DLC1: variants seen among roughly 807,000 people sequenced by gnomAD.
DLC1 encodes the protein DLC1 Rho GTPase activating protein, also known as rho GTPase-activating protein 7.
A neutral mutation model predicts 140.3 loss-of-function variants in DLC1; 54 were observed. The observed-to-expected ratio is 0.38, with a 90% CI of 0.31 to 0.48. The LOEUF is 0.48. Ranked by LOEUF, DLC1 falls within the 20% of genes least tolerant of loss-of-function variation. The probability of loss-of-function intolerance (pLI) is 0.96; values close to 1 mark genes in which losing one functional copy is unlikely to be tolerated. For synonymous variants in DLC1, 986 were observed against 728.1 expected, an observed-to-expected ratio of 1.35 and a Z score of -5.70; for missense variants, 2,536 against 1,907.0, an observed-to-expected ratio of 1.33 and a Z score of -6.14.
At chr8:13,453,545 T>C (rs1585135114) in intron 2 of DLC1, among the ~76,000 whole-genome samples, 1 of 48,204 alleles carries the variant, frequency 2.1e-5, no homozygotes, top group South Asian at 6.8e-4. Flanking sequence ...TATACATATA[T>C]ATATATATAT....
chr8:13,489,432 C>A (rs1348554422), intron 2 of DLC1, among the ~76,000 whole-genome samples: 4 of 147,368 alleles, frequency 2.7e-5, no homozygotes, highest in African/African-American at 1.0e-4. Flanking sequence ...CACACACACA[C>A]ACACACACAC....
At chr8:13,364,058 C>T (rs1048688720) in intron 4 of DLC1, among the ~76,000 whole-genome samples, 32 of 151,992 alleles carry the variant, frequency 2.1e-4, no homozygotes, top group Non-Finnish European at 2.9e-5. Context: ...TGCGCACGTG[C>T]ACACGCATGC....
chr8:13,421,741 A>T (rs1276774267), intron 2 of DLC1, among the ~76,000 whole-genome samples: 1 of 152,332 alleles, frequency 6.6e-6, no homozygotes, highest in African/African-American at 2.4e-5. Flanking sequence ...CCCTGAGATC[A>T]TTAAGACCTG....
intron 2 of DLC1, among the ~76,000 whole-genome samples, chr8:13,413,819 T>C (rs1837920509): frequency 6.6e-6 from 1 of 152,156 alleles, no homozygotes; most frequent in Non-Finnish European, 1.5e-5. Flanking sequence ...CATGCGGAAC[T>C]CTGAGTCAGT....
At chr8:13,462,439 G>A (rs1454681125) in intron 2 of DLC1, among the ~76,000 whole-genome samples, 6 of 147,526 alleles carry the variant, frequency 4.1e-5, no homozygotes, top group East Asian at 2.0e-4. Context: ...GCTGGCTGGC[G>A]ACAGCCCAGG....
intron 1 of DLC1, among the ~76,000 whole-genome samples, chr8:13,526,938 AT>A (rs1802937960): frequency 6.6e-6 from 1 of 152,228 alleles, no homozygotes; most frequent in Admixed American, 6.5e-5. Context: ...AAAAGTTTTC[AT>A]AAAAAAATTC....
chr8:13,371,219 T>G (rs2117117447), intron 4 of DLC1, among the ~76,000 whole-genome samples: 1 of 152,354 alleles, frequency 6.6e-6, no homozygotes, highest in Non-Finnish European at 1.5e-5. Context: ...GTATGCCTCC[T>G]CTTCCTCTTT....
chr8:13,378,462 A>G (rs1042360007), intron 4 of DLC1, among the ~76,000 whole-genome samples: 15 of 152,020 alleles, frequency 9.9e-5, no homozygotes, highest in Non-Finnish European at 2.1e-4. Context: ...TTTCCCTAAA[A>G]TATCTGTATT....
chr8:13,308,050 G>C (rs1267277488), intron 4 of DLC1, among the ~76,000 whole-genome samples: 1 of 152,162 alleles, frequency 6.6e-6, no homozygotes, highest in African/African-American at 2.4e-5. Flanking sequence ...CAAGTTGAAA[G>C]CTTTGCCCCA....
intron 2 of DLC1, among the ~76,000 whole-genome samples, chr8:13,486,077 G>T (rs2117140262): frequency 1.3e-5 from 2 of 152,272 alleles, no homozygotes; most frequent in East Asian, 3.9e-4. Flanking sequence ...GTGAACATCT[G>T]AGAGAAAGCA....
chr8:13,510,516 AC>A (rs1802312331), intron 1 of DLC1, among the ~76,000 whole-genome samples: 2 of 152,226 alleles, frequency 1.3e-5, no homozygotes, highest in African/African-American at 4.8e-5. Context: ...CAATTTGCAC[AC>A]ATGAAATCTC....
intron 2 of DLC1, among the ~76,000 whole-genome samples, chr8:13,470,606 G>T (rs1437105628): frequency 6.6e-6 from 1 of 152,176 alleles, no homozygotes; most frequent in Non-Finnish European, 1.5e-5. Context: ...TAGAATAAGT[G>T]TTGGTGAAAG....
rs1007983652 is a variant in DLC1, at chr8:13,250,636, A to G, written c.1348+54633T>C. Among the ~76,000 whole-genome samples, 86 of 152,232 alleles carry G rather than the reference A, an allele frequency of 5.6e-4. 1 individual carries two copies. Among genetic ancestry groups the G allele is most frequent in the Non-Finnish European group, 1.6e-4 (11 of 68,046 alleles). On this transcript the variant is annotated intron_variant, in intron 5 of 17. Transcript: ENST00000276297. ...TAAGGCTTTAAGTTGAATAAATTTA[A>G]TACTATAAGAAAGTTCAGTGCATTG...
chr8:13,174,516 C>T (rs113677728), intron 5 of DLC1, among the ~76,000 whole-genome samples: 61 of 152,252 alleles, frequency 4.0e-4, no homozygotes, highest in African/African-American at 1.4e-3. Flanking sequence ...TCTGCAGCCT[C>T]GCCAGCATCT....
At chr8:13,239,517 G>A (rs1829451810) in intron 5 of DLC1, among the ~76,000 whole-genome samples, 1 of 152,114 alleles carries the variant, frequency 6.6e-6, no homozygotes, top group Non-Finnish European at 1.5e-5. Flanking sequence ...GGGTGAGCTG[G>A]ATCTGCGGCT....
At chr8:13,600,386 A>T (rs940138691) in intron 1 of DLC1, among the ~76,000 whole-genome samples, 33 of 152,046 alleles carry the variant, frequency 2.2e-4, no homozygotes, top group African/African-American at 7.9e-4. Flanking sequence ...CTGTTATTTT[A>T]GTTATTTTCA....
Position 13,500,072 on chromosome 8 carries a change from G to A in DLC1, c.-1C>T, listed in dbSNP as rs1205545829. 12 of 1,610,640 alleles carry A rather than the reference G, an allele frequency of 7.5e-6. No homozygotes were observed. The highest frequency in any genetic ancestry group is 1.1e-5 in the South Asian group (1 of 90,938). On this transcript the variant is annotated 5_prime_UTR_variant, in exon 2 of 18. Coordinates refer to ENST00000276297, the MANE Select transcript of DLC1 (RefSeq NM_182643.3). The stretch of plus-strand genomic sequence containing the variant: ...TTCTCTTTCTGATAGCTACAGACAT[G>A]TCATCGTAGTTTAACAACAGACAGA...
chr8:13,522,917 C>T (rs778560260), intron 1 of DLC1, among the ~76,000 whole-genome samples: 4 of 152,062 alleles, frequency 2.6e-5, no homozygotes, highest in Non-Finnish European at 4.4e-5. Context: ...ACAGATAGTG[C>T]ACAGTCCTAA....
At chr8:13,124,242 G>A (rs1054136149) in intron 5 of DLC1, among the ~76,000 whole-genome samples, 4 of 152,140 alleles carry the variant, frequency 2.6e-5, no homozygotes, top group Non-Finnish European at 2.9e-5. Context: ...GTCCCTTCTC[G>A]CTAGTGGACA....
Sources: allele counts gnomAD v4.1 joint callset (sites outside exome capture counted in the v4.1 genomes callset), GRCh38; gene constraint gnomAD v4.1.1; transcripts MANE v1.5; gene names NCBI Gene and HGNC (gene_info 2026-07-23, HGNC 2026-07-21).